RSU1: variants seen among roughly 807,000 people sequenced by gnomAD.
The protein encoded by RSU1 is rsu-1.
RSU1 carries 26 observed loss-of-function variants against 31.1 expected under a neutral mutation model. The observed-to-expected ratio is 0.84, with a 90% CI of 0.61 to 1.16. RSU1 has a LOEUF of 1.16. Among genes scored for constraint, RSU1 ranks in the 50% most tolerant of loss-of-function variants. The pLI, the probability that RSU1 is intolerant of heterozygous loss-of-function variation, is 0.00. For missense variants in RSU1, 320 were observed against 339.1 expected, an observed-to-expected ratio of 0.94 and a Z score of 0.44; for synonymous variants, 164 against 136.3, an observed-to-expected ratio of 1.20 and a Z score of -1.41.
chr10:16,780,393 C>T (rs76931058), intron 3 of RSU1, among the ~76,000 whole-genome samples: 2,284 of 152,208 alleles, frequency 0.015, 64 homozygotes, highest in African/African-American at 0.053. Flanking sequence ...GTGCTGGACC[C>T]ACTATGTCCG....
intron 7 of RSU1, among the ~76,000 whole-genome samples, chr10:16,747,933 C>T (rs1202926174): frequency 6.6e-6 from 1 of 152,190 alleles, no homozygotes; most frequent in East Asian, 1.9e-4. Flanking sequence ...ACTTGGGAGG[C>T]TGAGGCAGGA....
intron 1 of RSU1, 21 bp downstream of exon 1, chr10:16,817,294 T>A (rs1838564794): frequency 7.0e-6 from 4 of 567,670 alleles, no homozygotes; most frequent in Admixed American, 6.2e-5. Flanking sequence ...CAACCCCAAG[T>A]GCAACACCGC....
intron 8 of RSU1, among the ~76,000 whole-genome samples, chr10:16,611,948 C>A (rs1441376630): frequency 6.6e-6 from 1 of 152,120 alleles, no homozygotes; most frequent in Non-Finnish European, 1.5e-5. Context: ...AGCTGGGTAC[C>A]CTTAGACAAG....
At chr10:16,697,025 A>C (rs1835690025) in intron 7 of RSU1, among the ~76,000 whole-genome samples, 1 of 152,158 alleles carries the variant, frequency 6.6e-6, no homozygotes, top group African/African-American at 2.4e-5. Flanking sequence ...CCTAAAAATG[A>C]ATATAATATA....
intron 8 of RSU1, among the ~76,000 whole-genome samples, chr10:16,646,170 TG>T (rs1324409224): frequency 6.6e-6 from 1 of 151,152 alleles, no homozygotes; most frequent in East Asian, 2.0e-4. Context: ...CTGGAACCAC[TG>T]GGCACAGCTC....
intron 2 of RSU1, among the ~76,000 whole-genome samples, chr10:16,788,349 G>A (rs1421455711): frequency 9.2e-5 from 14 of 152,236 alleles, no homozygotes; most frequent in South Asian, 6.2e-4. Flanking sequence ...ACGGAAGCCC[G>A]AATCCCCAGT....
At chr10:16,610,726 A>T (rs1833878672) in intron 8 of RSU1, among the ~76,000 whole-genome samples, 1 of 152,310 alleles carries the variant, frequency 6.6e-6, no homozygotes, top group South Asian at 2.1e-4. Flanking sequence ...AATAGAAATA[A>T]GGCACACTAT....
At chr10:16,802,602 A>G (rs951342997) in intron 2 of RSU1, among the ~76,000 whole-genome samples, 1 of 152,152 alleles carries the variant, frequency 6.6e-6, no homozygotes, top group African/African-American at 2.4e-5. Context: ...AGGAGAAACT[A>G]CAGACCAATC....
Position 16,619,376 on chromosome 10 carries a change from T to A in RSU1, c.732-25880A>T, listed in dbSNP as rs1279537277. On this transcript the variant is annotated intron_variant, in intron 8 of 8. Transcript: ENST00000345264. Reference sequence around the variant, plus strand: ...TGATGGTGACATGATCTACCATCAATGTCCCCTCTGTGATGTCAACGGGAA... The same window carrying A: ...TGATGGTGACATGATCTACCATCAAAGTCCCCTCTGTGATGTCAACGGGAA... Among the ~76,000 whole-genome samples the A allele has an allele frequency of 2.0e-5, 3 of 152,212 alleles. No individual in the cohort carries two copies. The East Asian group carries it at 5.8e-4, about 29-fold the overall frequency.
chr10:16,592,973 A>C lies in RSU1; in HGVS notation c.*421T>G. On this transcript the variant is annotated 3_prime_UTR_variant, in exon 9 of 9. Coordinates refer to ENST00000345264, the MANE Select transcript of RSU1 (RefSeq NM_012425.4). ...TTAAATTAGCATATCTCGGTGGTGA[A>C]GGAAGACTTTTAATAAAGCAAAATA... 1 of 152,628 alleles carries C rather than the reference A, an allele frequency of 6.6e-6. No individual in the cohort carries two copies. The highest frequency in any genetic ancestry group is 1.5e-5 in the Non-Finnish European group (1 of 68,704). The allele number at this position is 152,628 out of a possible 1,614,324, so 9.5% of individuals were successfully genotyped here. A position where few individuals can be genotyped will look rare whatever the true frequency, so the allele number is the denominator to read the frequency against.
intron 3 of RSU1, among the ~76,000 whole-genome samples, chr10:16,781,399 T>C (rs1837646002): frequency 6.6e-6 from 1 of 152,174 alleles, no homozygotes; most frequent in Non-Finnish European, 1.5e-5. Context: ...ATTTGAAAAA[T>C]GCAGATGTAA....
At chr10:16,682,170 G>C (rs1835338026) in intron 8 of RSU1, among the ~76,000 whole-genome samples, 1 of 152,158 alleles carries the variant, frequency 6.6e-6, no homozygotes, top group Non-Finnish European at 1.5e-5. Flanking sequence ...CCCAAGATGG[G>C]ACAGGGAATC....
intron 7 of RSU1, among the ~76,000 whole-genome samples, chr10:16,698,426 A>C (rs1436025486): frequency 6.6e-6 from 1 of 152,188 alleles, no homozygotes; most frequent in Non-Finnish European, 1.5e-5. Flanking sequence ...TGGAACGCAC[A>C]CAGCCTCTTG....
At chr10:16,712,206 AGTTTAT>A (rs1476231122) in intron 7 of RSU1, among the ~76,000 whole-genome samples, 1 of 151,560 alleles carries the variant, frequency 6.6e-6, no homozygotes, top group East Asian at 1.9e-4. Context: ...CTTCACTTTC[AGTTTAT>A]GTTTGTCTTT....
intron 4 of RSU1, among the ~76,000 whole-genome samples, chr10:16,764,045 G>A (rs3780981): frequency 0.41 from 62,231 of 151,918 alleles, 17,152 homozygotes; most frequent in African/African-American, 0.79. Context: ...AGAGGAAAAA[G>A]AAATCAGCCA....
At chr10:16,806,329 A>C (rs888702212) in intron 2 of RSU1, among the ~76,000 whole-genome samples, 2 of 152,182 alleles carry the variant, frequency 1.3e-5, no homozygotes, top group African/African-American at 4.8e-5. Flanking sequence ...TCTCCTCCAC[A>C]GGGTATGTGC....
intron 8 of RSU1, among the ~76,000 whole-genome samples, chr10:16,616,578 C>T (rs1227043254): frequency 1.3e-5 from 2 of 152,084 alleles, no homozygotes; most frequent in African/African-American, 4.8e-5. Flanking sequence ...AAATTTCAGG[C>T]CAATATTCCT....
chr10:16,812,399 G>A (rs146821637), intron 2 of RSU1, among the ~76,000 whole-genome samples: 2,545 of 152,222 alleles, frequency 0.017, 80 homozygotes, highest in African/African-American at 0.057. Flanking sequence ...CAGAGATCAC[G>A]CCACTGCACT....
chr10:16,623,037 TC>T (rs1023784970), intron 8 of RSU1, among the ~76,000 whole-genome samples: 2 of 152,144 alleles, frequency 1.3e-5, no homozygotes, highest in African/African-American at 2.4e-5. Context: ...CTTTTTTTTT[TC>T]CCCCAACTTT....
Sources: allele counts gnomAD v4.1 joint callset (sites outside exome capture counted in the v4.1 genomes callset), GRCh38; gene constraint gnomAD v4.1.1; transcripts MANE v1.5; gene names NCBI Gene and HGNC (gene_info 2026-07-23, HGNC 2026-07-21).